The following NRG3 variants were observed in gnomAD, a reference collection of about 807,000 sequenced individuals.
NRG3 encodes the protein neuregulin 3, also known as pro-neuregulin-3, membrane-bound isoform.
In NRG3, 31 loss-of-function variants were observed where a neutral mutation model predicts 66.9. The ratio of observed to expected loss-of-function variants is 0.46; its 90% CI spans 0.35 to 0.63. NRG3 has a LOEUF of 0.63. Among genes scored for constraint, NRG3 ranks in the 20% least tolerant of loss-of-function variants. NRG3 has a pLI of 0.00. For missense variants in NRG3, 910 were observed against 878.9 expected (o/e 1.04, Z -0.45); for synonymous variants, 393 against 359.4 (o/e 1.09, Z -1.06).
intron 1 of NRG3, among the ~76,000 whole-genome samples, chr10:82,210,031 A>G (rs1030175671): frequency 4.6e-5 from 7 of 152,208 alleles, no homozygotes; most frequent in African/African-American, 1.7e-4. Flanking sequence ...TAGGATCAGC[A>G]TATATATTAT....
chr10:82,733,976 C>T (rs2058041284), intron 2 of NRG3, among the ~76,000 whole-genome samples: 1 of 152,316 alleles, frequency 6.6e-6, no homozygotes, highest in Admixed American at 6.5e-5. Context: ...AAAAGATGAT[C>T]ATTTCTGTGG....
chr10:81,903,468 A>T (rs1178908037), intron 1 of NRG3, among the ~76,000 whole-genome samples: 1 of 152,222 alleles, frequency 6.6e-6, no homozygotes. Context: ...TGTAAGCATA[A>T]CACAACTGAC....
chr10:82,265,102 A>G (rs779878422), intron 1 of NRG3, among the ~76,000 whole-genome samples: 6 of 152,156 alleles, frequency 3.9e-5, no homozygotes, highest in Non-Finnish European at 5.9e-5. Context: ...AAAAGGTGTG[A>G]GAAAGTCACC....
At chr10:82,196,713 CA>C (rs2074470256) in intron 1 of NRG3, among the ~76,000 whole-genome samples, 1 of 152,136 alleles carries the variant, frequency 6.6e-6, no homozygotes, top group Admixed American at 6.5e-5. Context: ...TCTCACTGTA[CA>C]AGGTCTCTAC....
intron 3 of NRG3, among the ~76,000 whole-genome samples, chr10:82,794,454 C>T (rs74852997): frequency 0.031 from 4,767 of 152,184 alleles, 209 homozygotes; most frequent in African/African-American, 0.1. Flanking sequence ...TTACTATAAA[C>T]TGGTGCTTAT....
intron 1 of NRG3, among the ~76,000 whole-genome samples, chr10:82,347,498 A>G (rs1358698446): frequency 2.6e-5 from 4 of 151,292 alleles, no homozygotes; most frequent in Admixed American, 6.6e-5. Flanking sequence ...TATGTGGTCA[A>G]TTTTGGAATA....
intron 1 of NRG3, among the ~76,000 whole-genome samples, chr10:82,269,668 C>G (rs1589535041): frequency 6.6e-6 from 1 of 152,120 alleles, no homozygotes; most frequent in East Asian, 1.9e-4. Flanking sequence ...CAGCTGTAAA[C>G]TATGTCTACT....
intron 3 of NRG3, among the ~76,000 whole-genome samples, chr10:82,835,702 C>T (rs2062738473): frequency 6.6e-6 from 1 of 152,156 alleles, no homozygotes; most frequent in African/African-American, 2.4e-5. Flanking sequence ...ATCAGCCTAT[C>T]ATCAGCTTTG....
At chr10:81,897,226 G>C (rs1843609223) in intron 1 of NRG3, among the ~76,000 whole-genome samples, 1 of 152,152 alleles carries the variant, frequency 6.6e-6, no homozygotes, top group Non-Finnish European at 1.5e-5. Flanking sequence ...GGGAGAGGTA[G>C]AAAAGGTCAG....
chr10:82,246,762 A>G (rs1054632740), intron 1 of NRG3, among the ~76,000 whole-genome samples: 3 of 149,894 alleles, frequency 2.0e-5, no homozygotes, highest in African/African-American at 4.9e-5. Context: ...TGGTATTTAG[A>G]AGGAGTTTTT....
intron 1 of NRG3, among the ~76,000 whole-genome samples, chr10:82,105,342 T>C (rs1250156890): frequency 6.6e-6 from 1 of 152,166 alleles, no homozygotes; most frequent in Admixed American, 6.6e-5. Flanking sequence ...AAGCTCTCAA[T>C]TAACTGAATA....
At chr10:82,670,742 CAA>C (rs988683462) in intron 2 of NRG3, among the ~76,000 whole-genome samples, 1 of 151,920 alleles carries the variant, frequency 6.6e-6, no homozygotes, top group Non-Finnish European at 1.5e-5. Context: ...CAAAACAAAA[CAA>C]AACAAAAACA....
At chr10:82,883,387 C>T (rs1042688953) in intron 4 of NRG3, among the ~76,000 whole-genome samples, 7 of 152,114 alleles carry the variant, frequency 4.6e-5, no homozygotes, top group African/African-American at 1.7e-4. Context: ...GAGTTGAAAT[C>T]TGTCTGTCTG....
intron 2 of NRG3, among the ~76,000 whole-genome samples, chr10:82,575,303 T>C (rs1413944040): frequency 6.6e-6 from 1 of 151,510 alleles, no homozygotes; most frequent in Non-Finnish European, 1.5e-5. Context: ...AGAAAGTTGA[T>C]AATCCTGGGG....
chr10:82,664,637 G>A (rs1159964162), intron 2 of NRG3, among the ~76,000 whole-genome samples: 1 of 152,110 alleles, frequency 6.6e-6, no homozygotes, highest in Non-Finnish European at 1.5e-5. Flanking sequence ...CTTATGGATG[G>A]AGGGTCTTCA....
intron 1 of NRG3, among the ~76,000 whole-genome samples, chr10:82,201,786 T>G (rs1362616255): frequency 2.0e-5 from 3 of 152,186 alleles, no homozygotes; most frequent in Admixed American, 1.3e-4. Context: ...TAACATTTTA[T>G]TAAGTATCTT....
At chr10:82,847,880 G>A (rs2063378041) in intron 3 of NRG3, among the ~76,000 whole-genome samples, 2 of 152,166 alleles carry the variant, frequency 1.3e-5, no homozygotes, top group Non-Finnish European at 1.5e-5. Flanking sequence ...ATCCTCACAA[G>A]GTTCACAGAG....
intron 1 of NRG3, among the ~76,000 whole-genome samples, chr10:82,102,133 C>A (rs1436150817): frequency 7.6e-5 from 2 of 26,296 alleles, no homozygotes; most frequent in Admixed American, 4.4e-4. Context: ...TATGTGTATT[C>A]ATATATATAT....
intron 1 of NRG3, among the ~76,000 whole-genome samples, chr10:81,957,770 C>T (rs1265186151): frequency 6.6e-6 from 1 of 152,220 alleles, no homozygotes; most frequent in Non-Finnish European, 1.5e-5. Flanking sequence ...TTCAACTTCT[C>T]AGTGCCTTCT....
Sources: allele counts gnomAD v4.1 joint callset (sites outside exome capture counted in the v4.1 genomes callset), GRCh38; gene constraint gnomAD v4.1.1; transcripts MANE v1.5; gene names NCBI Gene and HGNC (gene_info 2026-07-23, HGNC 2026-07-21).